Variants in ZYG11B observed in about 807,000 individuals in gnomAD.
The protein encoded by ZYG11B is protein zyg-11 homolog B.
ZYG11B carries 36 observed loss-of-function variants against 82.4 expected under a neutral mutation model. That is an observed-to-expected ratio of 0.44 (90% CI 0.33 to 0.58). The LOEUF (loss-of-function observed/expected upper bound fraction) is 0.58, where lower values mean the gene tolerates loss of function less well. ZYG11B is among the 20% of genes least tolerant of loss of function. ZYG11B has a pLI of 0.02. For synonymous variants in ZYG11B, 303 were observed against 312.8 expected, an observed-to-expected ratio of 0.97 and a Z score of 0.33; for missense variants, 552 against 895.6, an observed-to-expected ratio of 0.62 and a Z score of 4.90.
At chr1:52,756,730 C>CCGGGCGCGGTGGCT in intron 2 of ZYG11B, 107 bp downstream of exon 2, 1 of 1,037,948 alleles carries the variant, frequency 9.6e-7, no homozygotes, top group Non-Finnish European at 1.4e-6. Context: ...ACTGAGAAGG[C>CCGGGCGCGGTGGCT]CAAATGAGCC....
rs1233304321 is a variant in ZYG11B, at chr1:52,823,561, CA to C, written c.*1935del. The C allele has an allele frequency of 2.1e-5, 3 of 143,324 alleles. No individual in the cohort carries two copies. The highest frequency in any genetic ancestry group is 1.4e-4 in the Admixed American group (2 of 13,800). 8.9% of individuals were successfully genotyped at this position (143,324 alleles called of 1,614,324 possible). ...CTTTTTCGAATGTTAATGTCTAAGA[CA>C]AAGTTCAGAAAACGAGATGGCCTGT... On this transcript the variant is annotated 3_prime_UTR_variant, in exon 14 of 14. Transcript: ENST00000294353.
At chr1:52,760,283 A>G (rs1284352319) in intron 2 of ZYG11B, among the ~76,000 whole-genome samples, 1 of 152,144 alleles carries the variant, frequency 6.6e-6, no homozygotes, top group Non-Finnish European at 1.5e-5. Context: ...TCTTTACTAA[A>G]AGTAACAAAA....
At chr1:52,775,891 T>C (rs1016774741) in intron 3 of ZYG11B, among the ~76,000 whole-genome samples, 1 of 151,256 alleles carries the variant, frequency 6.6e-6, no homozygotes, top group African/African-American at 2.4e-5. Context: ...GGTTTGTCAC[T>C]GGGTAGAGAA....
chr1:52,772,921 C>G (rs995742135), intron 3 of ZYG11B, among the ~76,000 whole-genome samples: 5 of 152,014 alleles, frequency 3.3e-5, no homozygotes, highest in African/African-American at 1.2e-4. Context: ...TCGTAATCTG[C>G]CCGCCTCGGC....
intron 5 of ZYG11B, 59 bp from the exon 6 acceptor site, chr1:52,789,944 G>T: frequency 1.6e-6 from 2 of 1,232,306 alleles, no homozygotes; most frequent in Non-Finnish European, 2.3e-6. Flanking sequence ...AGCTACCATG[G>T]TTAAAATATA....
intron 1 of ZYG11B, among the ~76,000 whole-genome samples, chr1:52,738,284 C>T (rs1253334257): frequency 6.6e-6 from 1 of 152,138 alleles, no homozygotes; most frequent in Admixed American, 6.6e-5. Flanking sequence ...CATCTTGGCT[C>T]ACTGCAGCCT....
At chr1:52,797,468 T>A (rs61771064) in intron 8 of ZYG11B, among the ~76,000 whole-genome samples, 15 of 110,538 alleles carry the variant, frequency 1.4e-4, no homozygotes, top group East Asian at 5.2e-4. Flanking sequence ...ATGATATATA[T>A]ATTATATATG....
intron 4 of ZYG11B, among the ~76,000 whole-genome samples, chr1:52,783,851 CGTGT>C (rs112146298): frequency 1.9e-5 from 1 of 51,940 alleles, no homozygotes; most frequent in African/African-American, 8.5e-5. Flanking sequence ...TGTACATACA[CGTGT>C]GTGTGTATGT....
In ZYG11B at chr1:52,817,777, G is replaced by GTGTGTATATATATA. The variant is rs1352242565; in HGVS notation, c.2044+1149_2044+1150insGTGTATATATATAT. Among the ~76,000 whole-genome samples, 81 of 41,512 alleles carry GTGTGTATATATATA rather than the reference G, an allele frequency of 2.0e-3. 2 individuals are homozygous for GTGTGTATATATATA. Among genetic ancestry groups the GTGTGTATATATATA allele is most frequent in the Non-Finnish European group, 2.4e-3 (63 of 25,792 alleles). The allele number at this position is 41,512 out of a possible 152,430, so 27.2% of individuals were successfully genotyped here. On this transcript the variant is annotated intron_variant, in intron 13 of 13. Transcript: ENST00000294353. ...AATAGTAAAGTGTGTATATATATGT[G>GTGTGTATATATATA]TATATATATATATATATATATATAT...
At chr1:52,739,460 A>G (rs1414363014) in intron 1 of ZYG11B, among the ~76,000 whole-genome samples, 2 of 152,204 alleles carry the variant, frequency 1.3e-5, no homozygotes, top group African/African-American at 4.8e-5. Flanking sequence ...GATACATTCT[A>G]TTAGCTGTAG....
rs1048189218 is a variant in ZYG11B, at chr1:52,822,909, G to T, written c.*1280G>T. 1.3e-5 allele frequency: 2 copies of T among 152,062 alleles called. No homozygotes were observed. Among genetic ancestry groups the T allele is most frequent in the Admixed American group, 1.3e-4 (2 of 15,258 alleles). The allele number at this position is 152,062 out of a possible 1,614,324, so 9.4% of individuals were successfully genotyped here. ...TAATTTTCATTTAAAATTTTATTTT[G>T]TGAATAAGGTCAATCTACAATCCCA... On this transcript the variant is annotated 3_prime_UTR_variant, in exon 14 of 14. Transcript: ENST00000294353.
chr1:52,757,529 G>C (rs982288178), intron 2 of ZYG11B, among the ~76,000 whole-genome samples: 2 of 151,946 alleles, frequency 1.3e-5, no homozygotes, highest in African/African-American at 2.4e-5. Flanking sequence ...ACAAAAATTA[G>C]CTGAGTGTGG....
rs984966894 is a variant in ZYG11B at position 52,726,458 on chromosome 1, C to T, written c.-196C>T. On this transcript the variant is annotated 5_prime_UTR_variant, in exon 1 of 14. Transcript: ENST00000294353. ...GGGCGGGTCCTCGCGGGGGCGGAGT[C>T]TGCGCTCTGGTTCGGGCTGCGGCTG... The T allele has an allele frequency of 6.4e-6, 3 of 469,528 alleles. No individual in the cohort carries two copies. Among genetic ancestry groups the T allele is most frequent in the Non-Finnish European group, 1.0e-5 (3 of 294,880 alleles). The allele number at this position is 469,528 out of a possible 1,614,324, so 29.1% of individuals were successfully genotyped here. A position where few individuals can be genotyped will look rare whatever the true frequency, so the allele number is the denominator to read the frequency against.
At chr1:52,740,374 T>C (rs1644413683) in intron 1 of ZYG11B, among the ~76,000 whole-genome samples, 1 of 152,196 alleles carries the variant, frequency 6.6e-6, no homozygotes, top group Admixed American at 6.5e-5. Context: ...GGCCAGGCCT[T>C]AAAGTGATAT....
chr1:52,783,285 C>T (rs1448526461), intron 4 of ZYG11B, among the ~76,000 whole-genome samples: 2 of 151,768 alleles, frequency 1.3e-5, no homozygotes, highest in South Asian at 2.1e-4. Flanking sequence ...AGATGGTAAT[C>T]GTTTGAGGAA....
intron 4 of ZYG11B, among the ~76,000 whole-genome samples, chr1:52,783,805 T>TATATATATATATATATATACACACACAC (rs74185908): frequency 7.4e-6 from 1 of 135,004 alleles, no homozygotes; most frequent in Admixed American, 7.4e-5. Context: ...TATATATATA[T>TATATATATATATATATATACACACACAC]ACACACACAC....
At chr1:52,777,721 C>T (rs1644821501) in intron 3 of ZYG11B, among the ~76,000 whole-genome samples, 1 of 151,988 alleles carries the variant, frequency 6.6e-6, no homozygotes, top group Non-Finnish European at 1.5e-5. Flanking sequence ...GGATTACAGG[C>T]ATGAGCCATC....
chr1:52,762,870 C>T (rs1404141649), intron 2 of ZYG11B, among the ~76,000 whole-genome samples: 5 of 151,650 alleles, frequency 3.3e-5, no homozygotes, highest in Non-Finnish European at 7.4e-5. Flanking sequence ...GTGTGAGCCA[C>T]TGCACCTGGC....
chr1:52,805,365 CTGT>C (rs879627583), intron 10 of ZYG11B: 77 of 407,908 alleles, frequency 1.9e-4, no homozygotes, highest in Non-Finnish European at 3.2e-4. Flanking sequence ...GAAGACCTAT[CTGT>C]TGTTGTAGCC....
Sources: allele counts gnomAD v4.1 joint callset (sites outside exome capture counted in the v4.1 genomes callset), GRCh38; gene constraint gnomAD v4.1.1; transcripts MANE v1.5; gene names NCBI Gene and HGNC (gene_info 2026-07-23, HGNC 2026-07-21).